Variants in FANCL observed in about 807,000 individuals in gnomAD.
FANCL encodes E3 ubiquitin-protein ligase FANCL.
In FANCL, 69 loss-of-function variants were observed where a neutral mutation model predicts 59.4. The ratio of observed to expected loss-of-function variants is 1.16; its 90% confidence interval spans 0.96 to 1.42. The LOEUF is 1.42. FANCL is among the 40% of genes most tolerant of loss of function. FANCL has a pLI of 0.00. For synonymous variants in FANCL, 180 were observed against 147.1 expected, an observed-to-expected ratio of 1.22 and a Z score of -1.62; for missense variants, 519 against 447.2, an observed-to-expected ratio of 1.16 and a Z score of -1.45.
rs576458485 is a variant in FANCL, at chr2:58,167,414, T to C, written c.541-1540A>G. On this transcript the variant is annotated intron_variant, in intron 7 of 13. Transcript: ENST00000233741. Reference sequence around the variant, plus strand: ...TACAATAGTATATCTCTGTTTCTCCTTTCTCTGTCTGTTTCTACATGTGTA... The same window carrying C: ...TACAATAGTATATCTCTGTTTCTCCCTTCTCTGTCTGTTTCTACATGTGTA... 5.3e-5 allele frequency among the ~76,000 whole-genome samples: 8 copies of C among 152,058 alleles called. No homozygotes were observed. The South Asian group carries it at 1.2e-3, about 24-fold the overall frequency.
chr2:58,232,617 T>C (rs929152291), intron 1 of FANCL, among the ~76,000 whole-genome samples: 2 of 151,974 alleles, frequency 1.3e-5, no homozygotes, highest in African/African-American at 4.8e-5. Context: ...ATAAGTGAAA[T>C]ACTTGCATAA....
intron 6 of FANCL, among the ~76,000 whole-genome samples, chr2:58,200,173 T>C: frequency 6.6e-6 from 1 of 151,624 alleles, no homozygotes. Flanking sequence ...CAATTAAAAA[T>C]ATCAGATGAT....
intron 7 of FANCL, among the ~76,000 whole-genome samples, chr2:58,178,079 G>A (rs1466143765): frequency 6.6e-6 from 1 of 152,056 alleles, no homozygotes; most frequent in African/African-American, 2.4e-5. Flanking sequence ...AACAACTTCT[G>A]AAATTGAGGC....
Position 58,190,668 on chromosome 2 carries a change from A to G in FANCL, c.540+7926T>C, listed in dbSNP as rs183939860. Among the ~76,000 whole-genome samples the G allele has an allele frequency of 8.7e-4, 133 of 152,070 alleles. 1 individual carries two copies. Among genetic ancestry groups the G allele is most frequent in the Non-Finnish European group, 1.4e-3 (94 of 67,830 alleles). On this transcript the variant is annotated intron_variant, in intron 7 of 13. Coordinates refer to ENST00000233741, the MANE Select transcript of FANCL (RefSeq NM_018062.4). Reference sequence around the variant, plus strand: ...AAGATCATAAAAACCTTTACATCACATAAGTTCAAAACTAATAGAAAGAAT... The same window carrying G: ...AAGATCATAAAAACCTTTACATCACGTAAGTTCAAAACTAATAGAAAGAAT...
intron 6 of FANCL, among the ~76,000 whole-genome samples, chr2:58,201,662 G>A (rs1469312689): frequency 6.6e-6 from 1 of 151,938 alleles, no homozygotes; most frequent in Non-Finnish European, 1.5e-5. Flanking sequence ...AGGTAATTCA[G>A]TACTGAATGC....
At chr2:58,161,232 G>A (rs1685111677) in intron 12 of FANCL, among the ~76,000 whole-genome samples, 2 of 151,972 alleles carry the variant, frequency 1.3e-5, no homozygotes. Flanking sequence ...TTTATAGAAA[G>A]ATTCCAATGT....
intron 9 of FANCL, 42 bp from the exon 10 acceptor site, chr2:58,163,116 C>G (rs373237140): frequency 4.1e-5 from 62 of 1,523,626 alleles, no homozygotes; most frequent in Non-Finnish European, 5.4e-5. Context: ...GCATGCTCTA[C>G]TCTTGGTTTC....
chr2:58,172,360 G>C, intron 7 of FANCL, among the ~76,000 whole-genome samples: 1 of 152,206 alleles, frequency 6.6e-6, no homozygotes, highest in East Asian at 1.9e-4. Context: ...CCCAGTAGGG[G>C]CAGACTGACA....
Position 58,170,182 on chromosome 2 carries a change from G to C in FANCL, c.541-4308C>G, listed in dbSNP as rs191613343. ...AGGGAAGCCCATCAGACTAACAGCA[G>C]ATCTCTCTGCAGAAACCCTACAAGC... On this transcript the variant is annotated intron_variant, in intron 7 of 13. Transcript: ENST00000233741. Among the ~76,000 whole-genome samples the C allele has an allele frequency of 1.1e-4, 16 of 152,302 alleles. No individual in the cohort carries two copies. The East Asian group carries it at 2.1e-3, about 20-fold the overall frequency.
chr2:58,196,387 G>C (rs908893833), intron 7 of FANCL, among the ~76,000 whole-genome samples: 1 of 151,900 alleles, frequency 6.6e-6, no homozygotes. Flanking sequence ...GTGATAAAAG[G>C]CTGTTTTAAT....
intron 5 of FANCL, among the ~76,000 whole-genome samples, chr2:58,216,791 G>T (rs570797875): frequency 6.6e-6 from 1 of 151,714 alleles, no homozygotes; most frequent in East Asian, 2.0e-4. Context: ...ACCTACAACT[G>T]GGATGTACCT....
chr2:58,199,292 T>C (rs1181317772), intron 6 of FANCL, among the ~76,000 whole-genome samples: 1 of 152,122 alleles, frequency 6.6e-6, no homozygotes, highest in Admixed American at 6.6e-5. Flanking sequence ...TCTCTGTTTA[T>C]CTTTAAAATA....
rs754868989 is a variant in FANCL at position 58,159,418 on chromosome 2, C to A, written c.*347G>T. On this transcript the variant is annotated 3_prime_UTR_variant, in exon 14 of 14. Coordinates refer to ENST00000233741, the MANE Select transcript of FANCL (RefSeq NM_018062.4). ...TTTGAATGAAGTAAACAGTTTCCCA[C>A]AAAAAATCAGCTATACACAATTCCC... 3.1e-6 allele frequency: 5 copies of A among 1,613,378 alleles called. No homozygotes were observed. The African/African-American group carries it at 5.3e-5, about 17-fold the overall frequency.
chr2:58,159,980 A>AAAAT (rs1244996367), intron 13 of FANCL, 128 bp downstream of exon 13: 10 of 1,532,972 alleles, frequency 6.5e-6, no homozygotes, highest in South Asian at 3.8e-5. Context: ...GAGAATTTGA[A>AAAAT]AAATAGAAAT....
intron 6 of FANCL, among the ~76,000 whole-genome samples, chr2:58,201,561 C>G (rs1690027262): frequency 6.6e-6 from 1 of 151,924 alleles, no homozygotes; most frequent in African/African-American, 2.4e-5. Context: ...TGCCCACCCT[C>G]TGATGCATAT....
chr2:58,170,666 G>C (rs969893842), intron 7 of FANCL, among the ~76,000 whole-genome samples: 5 of 148,780 alleles, frequency 3.4e-5, no homozygotes, highest in Non-Finnish European at 5.9e-5. Flanking sequence ...TAAAGGGATG[G>C]AGGAATATTT....
intron 1 of FANCL, 37 bp from the exon 2 acceptor site, chr2:58,232,149 A>C: frequency 6.5e-7 from 1 of 1,531,460 alleles, no homozygotes; most frequent in Non-Finnish European, 9.0e-7. Context: ...TCAAATTTTT[A>C]TCTTTCACTT....
intron 1 of FANCL, among the ~76,000 whole-genome samples, chr2:58,237,666 T>C (rs1417090480): frequency 1.3e-5 from 2 of 152,112 alleles, no homozygotes; most frequent in African/African-American, 4.8e-5. Context: ...TCTATCTAGA[T>C]GTATCGGGGG....
intron 5 of FANCL, among the ~76,000 whole-genome samples, chr2:58,215,773 A>G (rs1691657004): frequency 6.6e-6 from 1 of 152,016 alleles, no homozygotes; most frequent in African/African-American, 2.4e-5. Flanking sequence ...CAGACTGGAA[A>G]GGCCAGAATC....
Sources: gnomAD v4.1 joint callset for allele counts (sites outside exome capture counted in the v4.1 genomes callset) on GRCh38, gnomAD v4.1.1 for gene constraint, MANE v1.5 for transcripts, NCBI Gene and HGNC (gene_info 2026-07-23, HGNC 2026-07-21) for gene names.